ARMC2: variants seen among roughly 807,000 people sequenced by gnomAD.
The protein encoded by ARMC2 is armadillo repeat containing 2.
Under a neutral mutation model 90.3 loss-of-function variants are expected in ARMC2, and 67 were observed. That is an observed-to-expected ratio of 0.74 (90% CI 0.61 to 0.91). The LOEUF is 0.91. ARMC2 is among the 40% of genes least tolerant of loss of function. The probability of loss-of-function intolerance (pLI) is 0.00; values close to 1 mark genes in which losing one functional copy is unlikely to be tolerated. For missense variants in ARMC2, 920 were observed against 1,030.9 expected, an observed-to-expected ratio of 0.89 and a Z score of 1.47; for synonymous variants, 393 against 393.0, an observed-to-expected ratio of 1.00 and a Z score of 0.00.
At chr6:108,869,085 C>A in intron 4 of ARMC2, 90 bp downstream of exon 4, 2 of 1,351,996 alleles carry the variant, frequency 1.5e-6, no homozygotes, top group Non-Finnish European at 2.0e-6. Context: ...TTTTTCCTAA[C>A]CCTGGATGAT....
the ARMC2 span, chr6:108,994,554 T>C: frequency 1.2e-6 from 2 of 1,613,722 alleles, no homozygotes; most frequent in Non-Finnish European, 1.7e-6. Flanking sequence ...TCGACATTCC[T>C]GTAACTGCCT....
the ARMC2 span, among the ~76,000 whole-genome samples, chr6:109,032,164 CG>C: frequency 1.3e-5 from 2 of 151,758 alleles, no homozygotes; most frequent in Non-Finnish European, 2.9e-5. Flanking sequence ...CCCAGCTATT[CG>C]GGAGGTTGAG....
At position 108,968,508 on chromosome 6, in the gene ARMC2, G is replaced by T. The variant is rs138888338; in HGVS notation, c.2446+3368G>T. Among the ~76,000 whole-genome samples the T allele has an allele frequency of 5.9e-3, 906 of 152,328 alleles. 4 individuals are homozygous for T. The highest frequency in any genetic ancestry group is 0.014 in the Middle Eastern group (4 of 294). On this transcript the variant is annotated intron_variant, in intron 17 of 17. Transcript: ENST00000392644. ...CTCCTCTTCACGAACCATGGGGACT[G>T]TGCCTTGTGGGCTGGGTGGTGGGCT...
At chr6:108,955,350 G>A (rs754992547) in intron 13 of ARMC2, among the ~76,000 whole-genome samples, 1 of 152,186 alleles carries the variant, frequency 6.6e-6, no homozygotes, top group African/African-American at 2.4e-5. Context: ...GCCCGGCTGC[G>A]GGCATGTGAG....
chr6:108,869,304 T>C (rs1776145185), intron 4 of ARMC2, among the ~76,000 whole-genome samples: 1 of 152,180 alleles, frequency 6.6e-6, no homozygotes. Flanking sequence ...GATGAGGAGT[T>C]CGAGACCAGC....
rs138221893 is a variant in ARMC2 at position 108,896,235 on chromosome 6, A to G, written c.748+1692A>G. 2.3e-3 allele frequency among the ~76,000 whole-genome samples: 350 copies of G among 152,316 alleles called. 5 individuals carry two copies. Among genetic ancestry groups the G allele is most frequent in the East Asian group, 8.5e-3 (44 of 5,184 alleles). ...CCAGAACTCAAAGCTGTGGTTAACA[A>G]CTATAACCACTGAGACAGCAAAATC... On this transcript the variant is annotated intron_variant, in intron 6 of 17. Coordinates refer to ENST00000392644, the MANE Select transcript of ARMC2 (RefSeq NM_032131.6).
chr6:108,914,842 CTT>C (rs950144959), intron 10 of ARMC2, among the ~76,000 whole-genome samples: 1 of 152,144 alleles, frequency 6.6e-6, no homozygotes, highest in African/African-American at 2.4e-5. Flanking sequence ...CACTGACTGA[CTT>C]TTCACCAGCC....
At chr6:109,037,754 C>T in the ARMC2 span, among the ~76,000 whole-genome samples, 1 of 151,950 alleles carries the variant, frequency 6.6e-6, no homozygotes, top group Non-Finnish European at 1.5e-5. Context: ...GAGTATATGG[C>T]TGCTTGCTTG....
At chr6:108,955,976 C>G (rs1449497692) in intron 13 of ARMC2, among the ~76,000 whole-genome samples, 1 of 152,208 alleles carries the variant, frequency 6.6e-6, no homozygotes, top group Non-Finnish European at 1.5e-5. Context: ...CCATTAGAGT[C>G]TTGAAATCTG....
intron 13 of ARMC2, among the ~76,000 whole-genome samples, chr6:108,956,785 A>T (rs1777617939): frequency 6.6e-6 from 1 of 152,140 alleles, no homozygotes. Context: ...TGAGGTCAGG[A>T]GTTCAAGACC....
chr6:108,851,424 G>C (rs1253759909), intron 1 of ARMC2, among the ~76,000 whole-genome samples: 1 of 152,122 alleles, frequency 6.6e-6, no homozygotes, highest in Non-Finnish European at 1.5e-5. Flanking sequence ...TTTCTACCTT[G>C]TATTTAAATC....
chr6:108,904,403 G>A lies in ARMC2; in HGVS notation c.1021G>A (p.Ala341Thr), dbSNP rs951960569. Residue 341 changes from alanine (A) to threonine (T), a missense_variant and splice_region_variant, in exon 8 of 18, where the codon GCA becomes ACA. Transcript: ENST00000392644. ...CCTTAAACTTGCAAAAATAATTCTA[G>A]CAGTAAGTTTTTCTTTCCTCTGGTC... ...LSLKLAKIILALKVSRKNLLN... is the reference protein window; with the variant it reads ...LSLKLAKIILTLKVSRKNLLN... The A allele has an allele frequency of 6.3e-7, 1 of 1,599,366 alleles. No individual in the cohort carries two copies. The highest frequency in any genetic ancestry group is 1.7e-4 in the Middle Eastern group (1 of 6,012).
chr6:108,867,291 C>T lies in ARMC2; in HGVS notation c.292-1533C>T, dbSNP rs114330797. Among the ~76,000 whole-genome samples, 611 of 152,214 alleles carry T rather than the reference C, an allele frequency of 4.0e-3. 2 individuals are homozygous for T. Among genetic ancestry groups the T allele is most frequent in the African/African-American group, 0.014 (572 of 41,528 alleles). On this transcript the variant is annotated intron_variant, in intron 3 of 17. Transcript: ENST00000392644. Reference sequence around the variant, plus strand: ...GAGGGTCTGGCATCAGGTCGGAGGCCACTCAGATTAGAGGGAGTTCTGGGT... The same window carrying T: ...GAGGGTCTGGCATCAGGTCGGAGGCTACTCAGATTAGAGGGAGTTCTGGGT...
chr6:108,882,072 A>G (rs1777638484), intron 5 of ARMC2, among the ~76,000 whole-genome samples: 2 of 152,122 alleles, frequency 1.3e-5, no homozygotes, highest in African/African-American at 4.8e-5. Context: ...TTCCAAAAAC[A>G]TGGAAAGAGT....
chr6:108,968,367 A>T (rs192574021), intron 17 of ARMC2, among the ~76,000 whole-genome samples: 1 of 152,306 alleles, frequency 6.6e-6, no homozygotes, highest in East Asian at 1.9e-4. Flanking sequence ...GTTACCTAGA[A>T]CACCCTTACT....
At chr6:108,936,470 C>T (rs553577298) in intron 11 of ARMC2, among the ~76,000 whole-genome samples, 3 of 152,090 alleles carry the variant, frequency 2.0e-5, no homozygotes, top group South Asian at 2.1e-4. Flanking sequence ...TGGCCAGGCT[C>T]GTCTTGAGCT....
intron 3 of ARMC2, among the ~76,000 whole-genome samples, chr6:108,863,076 C>T (rs914171740): frequency 1.3e-5 from 2 of 152,188 alleles, no homozygotes; most frequent in Non-Finnish European, 2.9e-5. Context: ...AGGCCCTGCC[C>T]TCCAGCCCGA....
chr6:108,936,819 C>T, intron 11 of ARMC2, 81 bp from the exon 12 acceptor site: 1 of 1,118,372 alleles, frequency 8.9e-7, no homozygotes, highest in Non-Finnish European at 1.3e-6. Context: ...TGAAGGTCTG[C>T]ATTTAAAGTG....
intron 17 of ARMC2, among the ~76,000 whole-genome samples, chr6:108,967,383 C>CG (rs912933573): frequency 6.6e-6 from 1 of 152,136 alleles, no homozygotes; most frequent in Non-Finnish European, 1.5e-5. Flanking sequence ...GGTGGGGCTG[C>CG]GGGGCCGGGG....
Sources: gnomAD v4.1 joint callset for allele counts (sites outside exome capture counted in the v4.1 genomes callset) on GRCh38, gnomAD v4.1.1 for gene constraint, MANE v1.5 for transcripts, NCBI Gene and HGNC (gene_info 2026-07-23, HGNC 2026-07-21) for gene names.